The following PSD3 variants were observed in gnomAD, a reference collection of about 807,000 sequenced individuals.
PSD3 encodes the protein PH and SEC7 domain-containing protein 3.
In PSD3, 49 loss-of-function variants were observed where a neutral mutation model predicts 105.5. That is an observed-to-expected ratio of 0.46 (90% confidence interval 0.37 to 0.59). PSD3 has a LOEUF of 0.59. PSD3 is among the 20% of genes least tolerant of loss of function. The pLI, the probability that PSD3 is intolerant of heterozygous loss-of-function variation, is 0.00. For missense variants in PSD3, 1,561 were observed against 1,263.8 expected (o/e 1.24, Z -3.57); for synonymous variants, 557 against 457.8 (o/e 1.22, Z -2.77).
chr8:18,804,852 C>G lies in PSD3; in HGVS notation c.1681G>C (p.Gly561Arg), dbSNP rs138909605. ...TCCTTTTCCAAAATTTCAGTGCTCCCCATTTCAGAATGAGCTTCTAGCCGT... is the reference window on the plus strand; with the variant it reads ...TCCTTTTCCAAAATTTCAGTGCTCCGCATTTCAGAATGAGCTTCTAGCCGT... ...TTRLEAHSEM[G>R]STEILEKETP... The change falls in exon 5 of 16, where the codon GGG becomes CGG. Residue 561 changes from glycine to arginine, a missense_variant. Physicochemically the swap from Gly to Arg is moderately radical, Grantham distance 125. Coordinates refer to ENST00000327040, the MANE Select transcript of PSD3 (RefSeq NM_015310.4). 2 of 1,613,022 alleles carry G rather than the reference C, an allele frequency of 1.2e-6. No homozygotes were observed. Among genetic ancestry groups the G allele is most frequent in the African/African-American group, 1.3e-5 (1 of 74,868 alleles).
intron 4 of PSD3, among the ~76,000 whole-genome samples, chr8:18,848,553 A>G (rs999735716): frequency 6.6e-6 from 1 of 152,228 alleles, no homozygotes; most frequent in African/African-American, 2.4e-5. Context: ...AGCAGTGGTG[A>G]TTAAGTTTTA....
At chr8:18,578,160 T>C (rs1266452330) in intron 12 of PSD3, among the ~76,000 whole-genome samples, 1 of 152,070 alleles carries the variant, frequency 6.6e-6, no homozygotes, top group Admixed American at 6.6e-5. Flanking sequence ...AGGAATCACA[T>C]ATGGGTTTTC....
chr8:18,843,357 C>A (rs1042487089), intron 4 of PSD3, among the ~76,000 whole-genome samples: 2 of 151,156 alleles, frequency 1.3e-5, no homozygotes, highest in Non-Finnish European at 2.9e-5. Flanking sequence ...AGAGTTATTG[C>A]TCTAGGTAGA....
intron 2 of PSD3, among the ~76,000 whole-genome samples, chr8:18,900,576 T>C (rs916103359): frequency 2.0e-5 from 3 of 151,628 alleles, no homozygotes; most frequent in Non-Finnish European, 4.4e-5. Context: ...GGTTCCACGG[T>C]GTTATTAAGG....
chr8:18,793,383 C>CA (rs576490700), intron 8 of PSD3, among the ~76,000 whole-genome samples: 4 of 143,792 alleles, frequency 2.8e-5, no homozygotes, highest in Non-Finnish European at 4.5e-5. Flanking sequence ...AAAAAAAAAA[C>CA]AAAACAAAAC....
chr8:18,877,263 T>C (rs1052983504), intron 2 of PSD3, among the ~76,000 whole-genome samples: 6 of 152,230 alleles, frequency 3.9e-5, no homozygotes, highest in African/African-American at 1.4e-4. Context: ...CAAAGATTAC[T>C]TTTACGTTGT....
intron 8 of PSD3, among the ~76,000 whole-genome samples, chr8:18,788,492 C>T (rs868111836): frequency 5.3e-5 from 8 of 152,110 alleles, no homozygotes; most frequent in African/African-American, 1.9e-4. Flanking sequence ...AGGAGAGCTG[C>T]GAATAGGGCA....
intron 14 of PSD3, among the ~76,000 whole-genome samples, chr8:18,566,445 G>T (rs1056526067): frequency 4.0e-5 from 6 of 151,510 alleles, no homozygotes; most frequent in Admixed American, 3.9e-4. Flanking sequence ...AGAATGGCAT[G>T]AACCCGGGAG....
intron 1 of PSD3, among the ~76,000 whole-genome samples, chr8:18,952,657 A>G (rs547850407): frequency 3.3e-5 from 5 of 152,356 alleles, no homozygotes; most frequent in African/African-American, 9.6e-5. Context: ...TCCATTATTT[A>G]GAGCACAATA....
intron 1 of PSD3, among the ~76,000 whole-genome samples, chr8:19,008,263 C>A (rs980561326): frequency 9.9e-5 from 15 of 152,218 alleles, no homozygotes; most frequent in Admixed American, 9.2e-4. Context: ...AGTAACTTTG[C>A]TATTCAAACA....
chr8:18,673,291 T>G (rs1465622761), intron 9 of PSD3, among the ~76,000 whole-genome samples: 8 of 152,128 alleles, frequency 5.3e-5, no homozygotes, highest in Non-Finnish European at 1.5e-5. Context: ...AATTTGCAGT[T>G]TCATGAATTT....
At chr8:18,735,026 G>A (rs1804044027) in intron 9 of PSD3, among the ~76,000 whole-genome samples, 1 of 152,156 alleles carries the variant, frequency 6.6e-6, no homozygotes, top group African/African-American at 2.4e-5. Context: ...GAGTAATATT[G>A]GCACATACGC....
chr8:18,811,265 G>A (rs1180135790), intron 4 of PSD3, among the ~76,000 whole-genome samples: 2 of 152,154 alleles, frequency 1.3e-5, no homozygotes, highest in Non-Finnish European at 2.9e-5. Context: ...TGGTCAGTGA[G>A]ACTCCAATGC....
At chr8:18,972,494 A>G (rs916817973) in intron 1 of PSD3, among the ~76,000 whole-genome samples, 8 of 152,210 alleles carry the variant, frequency 5.3e-5, no homozygotes, top group Non-Finnish European at 1.2e-4. Flanking sequence ...GTTTCACAAC[A>G]AAACAGTACC....
chr8:18,981,888 G>C (rs767945178), intron 1 of PSD3, among the ~76,000 whole-genome samples: 3 of 152,194 alleles, frequency 2.0e-5, no homozygotes, highest in Non-Finnish European at 4.4e-5. Context: ...ACTGATCAGG[G>C]TGGTAGCTGC....
In PSD3 at chr8:18,713,518, A is replaced by C. The variant is rs558127495; in HGVS notation, c.2172+51931T>G. The stretch of plus-strand genomic sequence containing the variant: ...CAAGCAGAGAGCCAAATCATGAATG[A>C]ACTCCCATTCACAATTGCTACAAAG... On this transcript the variant is annotated intron_variant, in intron 9 of 15. Transcript: ENST00000327040. Among the ~76,000 whole-genome samples the C allele has an allele frequency of 2.6e-5, 4 of 152,304 alleles. No individual in the cohort carries two copies. In the East Asian group the frequency reaches 7.7e-4, roughly 29 times the overall value.
chr8:18,800,037 A>C, intron 7 of PSD3, among the ~76,000 whole-genome samples: 1 of 152,184 alleles, frequency 6.6e-6, no homozygotes, highest in East Asian at 1.9e-4. Flanking sequence ...ACACTACCAA[A>C]TGGCTAAAAG....
At chr8:18,920,626 C>A (rs184436998) in intron 2 of PSD3, among the ~76,000 whole-genome samples, 20 of 152,322 alleles carry the variant, frequency 1.3e-4, no homozygotes, top group African/African-American at 4.3e-4. Flanking sequence ...AAGTAAAAAA[C>A]CTTTTATTGA....
At chr8:19,018,288 C>G (rs961651962), upstream of PSD3, among the ~76,000 whole-genome samples, 1 of 151,746 alleles carries the variant, frequency 6.6e-6, no homozygotes. Flanking sequence ...TCTCAAGTTT[C>G]TTTCATATAT....
Sources: gnomAD v4.1 joint callset for allele counts (sites outside exome capture counted in the v4.1 genomes callset) on GRCh38, gnomAD v4.1.1 for gene constraint, MANE v1.5 for transcripts, NCBI Gene and HGNC (gene_info 2026-07-23, HGNC 2026-07-21) for gene names.